Variants in SPHK2 observed in about 807,000 individuals in gnomAD.
SPHK2 encodes the protein sphingosine kinase 2.
Under a neutral mutation model 32.3 loss-of-function variants are expected in SPHK2, and 18 were observed. The ratio of observed to expected loss-of-function variants is 0.56; its 90% CI spans 0.39 to 0.83. The LOEUF is 0.83. Among genes scored for constraint, SPHK2 ranks in the 40% least tolerant of loss-of-function variants. The probability of loss-of-function intolerance (pLI) is 0.00; values close to 1 mark genes in which losing one functional copy is unlikely to be tolerated. For synonymous variants in SPHK2, 462 were observed against 417.6 expected (o/e 1.11, Z -1.30); for missense variants, 850 against 908.7 (o/e 0.94, Z 0.83).
intron 2 of SPHK2, among the ~76,000 whole-genome samples, chr19:48,621,283 T>A (rs1974396075): frequency 6.6e-6 from 1 of 152,234 alleles, no homozygotes; most frequent in Non-Finnish European, 1.5e-5. Flanking sequence ...TTCTCCATGT[T>A]GGTCAGGCTG....
Position 48,630,350 on chromosome 19 carries a change from T to A in SPHK2, c.*577T>A. On this transcript the variant is annotated 3_prime_UTR_variant, in exon 7 of 7. Coordinates refer to ENST00000245222, the MANE Select transcript of SPHK2 (RefSeq NM_020126.5). This position sits in a 1 kb window ranked among gnomAD's most constrained non-coding sequence, Gnocchi z 4.9. ...TCTCATGCGCGTCCTCCGTCCCCAATCTAAAAAGCAATTGAAAAGGTCTAT... is the reference window on the plus strand; with the variant it reads ...TCTCATGCGCGTCCTCCGTCCCCAAACTAAAAAGCAATTGAAAAGGTCTAT... 7.6e-7 allele frequency: 1 copy of A among 1,309,788 alleles called. No individual in the cohort carries two copies. The highest frequency in any genetic ancestry group is 9.7e-7 in the Non-Finnish European group (1 of 1,029,820). 81.1% of individuals were successfully genotyped at this position (1,309,788 alleles called of 1,614,324 possible).
At position 48,630,257 on chromosome 19, in the gene SPHK2, G is replaced by A; in HGVS notation, c.*484G>A. On this transcript the variant is annotated 3_prime_UTR_variant, in exon 7 of 7. Transcript: ENST00000245222. This position sits in a 1 kb window ranked among gnomAD's most constrained non-coding sequence, Gnocchi z 4.9. ...AGGAGGGGCAGGTTCCCCGGGGCCG[G>A]CGCTAGGATTTGCACTAATGTTCCT... The A allele has an allele frequency of 7.8e-7, 1 of 1,283,196 alleles. No homozygotes were observed. The highest frequency in any genetic ancestry group is 2.7e-5 in the South Asian group (1 of 36,910). The allele number at this position is 1,283,196 out of a possible 1,614,324, so 79.5% of individuals were successfully genotyped here. A position where few individuals can be genotyped will look rare whatever the true frequency, so the allele number is the denominator to read the frequency against.
Position 48,629,927 on chromosome 19 carries a change from T to G in SPHK2, c.*154T>G. 7.0e-7 allele frequency: 1 copy of G among 1,421,496 alleles called. No individual in the cohort carries two copies. Among genetic ancestry groups the G allele is most frequent in the Non-Finnish European group, 9.2e-7 (1 of 1,090,722 alleles). 88.1% of individuals were successfully genotyped at this position (1,421,496 alleles called of 1,614,324 possible). ...CTCGCTTTCATGGGACCAGACGTGATGCTGGAAGGTGGGCGTCGTCACGGT... is the reference window on the plus strand; with the variant it reads ...CTCGCTTTCATGGGACCAGACGTGAGGCTGGAAGGTGGGCGTCGTCACGGT... On this transcript the variant is annotated 3_prime_UTR_variant, in exon 7 of 7. Coordinates refer to ENST00000245222, the MANE Select transcript of SPHK2 (RefSeq NM_020126.5).
At chr19:48,626,484 T>G (rs772454459) in intron 3 of SPHK2, 122 bp downstream of exon 3, 150 of 1,259,396 alleles carry the variant, frequency 1.2e-4, no homozygotes, top group Non-Finnish European at 1.5e-4. Flanking sequence ...CTGGATCCGT[T>G]AGGAGTGATA....
Position 48,626,089 on chromosome 19 carries a change from C to G in SPHK2, c.238C>G (p.Arg80Gly). Residue 80 changes from arginine to glycine, a missense_variant, in exon 3 of 7, where the codon CGC (arginine) becomes GGC (glycine). By Grantham distance (125) the Arg-to-Gly change is moderately radical (BLOSUM62 -2). Transcript: ENST00000245222. The part of the protein sequence containing the change: ...TSQALHIQRL[R>G]PKPEARPRGG... ...GCAGGCCCTGCACATACAGCGGCTG[C>G]GCCCCAAACCTGAAGCCAGGCCCCG... 6.2e-7 allele frequency: 1 copy of G among 1,612,330 alleles called. No homozygotes were observed. The highest frequency in any genetic ancestry group is 1.7e-4 in the Middle Eastern group (1 of 6,058).
At chr19:48,620,292 C>T in intron 1 of SPHK2, 110 bp from the exon 2 acceptor site, 1 of 523,366 alleles carries the variant, frequency 1.9e-6, no homozygotes, top group Non-Finnish European at 3.4e-6. Context: ...CTACTCTTCC[C>T]CCCACCCGCC....
In SPHK2 at chr19:48,629,521, G is replaced by C; in HGVS notation, c.1713G>C (p.Val571=). The C allele has an allele frequency of 6.2e-7, 1 of 1,606,114 alleles. No homozygotes were observed. Among genetic ancestry groups the C allele is most frequent in the Non-Finnish European group, 8.5e-7 (1 of 1,177,734 alleles). ...FDDGLVHLCW[V]RSGISRAALL... ...ACGGCCTGGTGCACCTGTGCTGGGT[G>C]CGTAGCGGCATCTCGCGGGCTGCGC... is the stretch of plus-strand genomic sequence containing the variant. The change falls in exon 7 of 7, where the codon GTG becomes GTC. Residue 571 remains valine, a synonymous_variant. Coordinates refer to ENST00000245222, the MANE Select transcript of SPHK2 (RefSeq NM_020126.5).
chr19:48,628,313 C>G lies in SPHK2; in HGVS notation c.872+36C>G, dbSNP rs1043368563. On this transcript the variant is annotated intron_variant, in intron 6 of 6. Transcript: ENST00000245222. The surrounding 1 kb of genome is among the most constrained non-coding windows in gnomAD (Gnocchi z 5.2). Reference sequence around the variant, plus strand: ...GATACCACGAAGGGAGGGATGAGCCCCTCCTGGGGTGATAGGGACCCCTAT... The same window carrying G: ...GATACCACGAAGGGAGGGATGAGCCGCTCCTGGGGTGATAGGGACCCCTAT... 6 of 1,583,406 alleles carry G rather than the reference C, an allele frequency of 3.8e-6. No individual in the cohort carries two copies. Among genetic ancestry groups the G allele is most frequent in the Non-Finnish European group, 5.2e-6 (6 of 1,155,228 alleles).
Position 48,627,992 on chromosome 19 carries a change from CG to C in SPHK2, c.682del (p.Glu228SerfsTer6). Reference protein sequence around the residue: ...LIQTERQNHARELVQGLSLSE... With the variant: ...LIQTERQNHAXELVQGLSLSE... ...CACTTCAGAACGACAGAACCACGCC[CG>C]GGAGCTGGTCCAGGGGCTGAGCCTG... On this transcript the variant is annotated frameshift_variant, in exon 5 of 7. Coordinates refer to ENST00000245222, the MANE Select transcript of SPHK2 (RefSeq NM_020126.5). LOFTEE classifies it high-confidence loss of function. 1 of 1,588,640 alleles carries C rather than the reference CG, an allele frequency of 6.3e-7. No homozygotes were observed. The highest frequency in any genetic ancestry group is 1.7e-4 in the Middle Eastern group (1 of 5,980).
At position 48,628,082 on chromosome 19, in the gene SPHK2, C is replaced by A; in HGVS notation, c.756+13C>A. ...GCTGCTCCATGAGGTAGAGCAGGAGCACCCTGCCCCTAGCCCTGGGCCCTG... is the reference window on the plus strand; with the variant it reads ...GCTGCTCCATGAGGTAGAGCAGGAGAACCCTGCCCCTAGCCCTGGGCCCTG... On this transcript the variant is annotated intron_variant, in intron 5 of 6. Coordinates refer to ENST00000245222, the MANE Select transcript of SPHK2 (RefSeq NM_020126.5). The surrounding 1 kb of genome is among the most constrained non-coding windows in gnomAD (Gnocchi z 5.2). 1 of 1,576,188 alleles carries A rather than the reference C, an allele frequency of 6.3e-7. No individual in the cohort carries two copies. Among genetic ancestry groups the A allele is most frequent in the South Asian group, 1.1e-5 (1 of 87,156 alleles).
intron 2 of SPHK2, chr19:48,625,628 T>C (rs1568430725): frequency 6.6e-7 from 1 of 1,515,448 alleles, no homozygotes; most frequent in African/African-American, 1.4e-5. Context: ...GCACCGTGAT[T>C]GGCACATAAA....
rs375777306 is a variant in SPHK2 at position 48,629,794 on chromosome 19, C to T, written c.*21C>T. 3.3e-5 allele frequency: 51 copies of T among 1,536,694 alleles called. No individual in the cohort carries two copies. Among genetic ancestry groups the T allele is most frequent in the Non-Finnish European group, 4.2e-5 (48 of 1,139,942 alleles). Reference sequence around the variant, plus strand: ...CCTGAAACTAAACAAGCTTGGTACCCGCCGGGGGCGGGGCCTACATTCCAA... The same window carrying T: ...CCTGAAACTAAACAAGCTTGGTACCTGCCGGGGGCGGGGCCTACATTCCAA... On this transcript the variant is annotated 3_prime_UTR_variant, in exon 7 of 7. Coordinates refer to ENST00000245222, the MANE Select transcript of SPHK2 (RefSeq NM_020126.5).
chr19:48,620,681 T>G (rs1974368112), intron 2 of SPHK2, 128 bp downstream of exon 2: 4 of 796,158 alleles, frequency 5.0e-6, no homozygotes, highest in Admixed American at 2.9e-5. Flanking sequence ...CCCAGCACTC[T>G]GGGAGGCCAA....
At chr19:48,625,849 G>T in intron 2 of SPHK2, 42 bp from the exon 3 acceptor site, 1 of 1,595,948 alleles carries the variant, frequency 6.3e-7, no homozygotes, top group South Asian at 1.1e-5. Flanking sequence ...CCCCTGCCAT[G>T]GGGTCCTGAA....
At position 48,630,400 on chromosome 19, in the gene SPHK2, C is replaced by T. The variant is rs1320005627; in HGVS notation, c.*627C>T. The T allele has an allele frequency of 1.9e-5, 27 of 1,394,418 alleles. No individual in the cohort carries two copies. Among genetic ancestry groups the T allele is most frequent in the Non-Finnish European group, 2.3e-5 (25 of 1,076,556 alleles). 86.4% of individuals were successfully genotyped at this position (1,394,418 alleles called of 1,614,324 possible). A position where few individuals can be genotyped will look rare whatever the true frequency, so the allele number is the denominator to read the frequency against. On this transcript the variant is annotated 3_prime_UTR_variant, in exon 7 of 7. Transcript: ENST00000245222. This position sits in a 1 kb window ranked among gnomAD's most constrained non-coding sequence, Gnocchi z 4.9. ...TGCAATAAAGGCAGTCGCTTCATTC[C>T]TCTCAGACCTTCTGCCCTTCCTCCA...
chr19:48,622,554 T>G (rs1974447670), intron 2 of SPHK2, among the ~76,000 whole-genome samples: 1 of 152,006 alleles, frequency 6.6e-6, no homozygotes, highest in Non-Finnish European at 1.5e-5. Flanking sequence ...GAATCTCAGC[T>G]TCTTTGCCCA....
chr19:48,629,991 C>T lies in SPHK2; in HGVS notation c.*218C>T. On this transcript the variant is annotated 3_prime_UTR_variant, in exon 7 of 7. Transcript: ENST00000245222. ...GCTCGTCCCGAGGGTAGTGCCTGAT[C>T]AATGAGGGCGGGGCCTGGCGTCTGA... is the stretch of plus-strand genomic sequence containing the variant. 1 of 1,393,642 alleles carries T rather than the reference C, an allele frequency of 7.2e-7. No homozygotes were observed. Among genetic ancestry groups the T allele is most frequent in the African/African-American group, 1.4e-5 (1 of 69,260 alleles). 86.3% of individuals were successfully genotyped at this position (1,393,642 alleles called of 1,614,324 possible).
At chr19:48,624,824 T>TG in intron 2 of SPHK2, 1 of 785,920 alleles carries the variant, frequency 1.3e-6, no homozygotes, top group Non-Finnish European at 1.5e-6. Context: ...AGAGAGCCGC[T>TG]GGGGATAGGG....
chr19:48,620,913 T>G, intron 2 of SPHK2: 1 of 141,852 alleles, frequency 7.0e-6, no homozygotes, highest in Non-Finnish European at 1.6e-5. Context: ...AGAGTGAGAC[T>G]CCGTCTCAAA....
Sources: gnomAD v4.1 joint callset for allele counts (sites outside exome capture counted in the v4.1 genomes callset) on GRCh38, gnomAD v4.1.1 for gene constraint, Gnocchi (gnomAD v3.1) non-coding constraint, MANE v1.5 for transcripts, NCBI Gene and HGNC (gene_info 2026-07-23, HGNC 2026-07-21) for gene names.